Variants in SLIT3 observed in about 807,000 individuals in gnomAD.
The protein encoded by SLIT3 is slit guidance ligand 3, also known as slit homolog 3 protein.
SLIT3 carries 68 observed loss-of-function variants against 184.0 expected under a neutral mutation model. That is an observed-to-expected ratio of 0.37 (90% CI 0.30 to 0.45). The LOEUF (loss-of-function observed/expected upper bound fraction) is 0.45, where lower values mean the gene tolerates loss of function less well. SLIT3 is among the 20% of genes least tolerant of loss of function. The pLI, the probability that SLIT3 is intolerant of heterozygous loss-of-function variation, is 1.00. For synonymous variants in SLIT3, 831 were observed against 828.6 expected (o/e 1.00, Z -0.05); for missense variants, 1,707 against 2,026.0 (o/e 0.84, Z 3.02).
intron 4 of SLIT3, among the ~76,000 whole-genome samples, chr5:169,129,679 G>A (rs192385059): frequency 6.6e-6 from 1 of 152,296 alleles, no homozygotes; most frequent in East Asian, 1.9e-4. Context: ...AGAGACTGAG[G>A]AGACATAACA....
chr5:169,261,816 C>T (rs547809765), intron 1 of SLIT3, among the ~76,000 whole-genome samples: 17 of 152,188 alleles, frequency 1.1e-4, no homozygotes, highest in Non-Finnish European at 2.4e-4. Context: ...GGTCGGATGT[C>T]ACCTTTGTGA....
intron 1 of SLIT3, among the ~76,000 whole-genome samples, chr5:169,260,055 A>G (rs1460580491): frequency 6.6e-6 from 1 of 151,888 alleles, no homozygotes; most frequent in Admixed American, 6.6e-5. Context: ...AGCTATCTCA[A>G]TGGATTGTTC....
intron 5 of SLIT3, among the ~76,000 whole-genome samples, chr5:168,874,836 C>G (rs34054556): frequency 0.14 from 20,798 of 152,230 alleles, 1,701 homozygotes; most frequent in Non-Finnish European, 0.18. Flanking sequence ...TTATCGAGCA[C>G]TTATGCCATT....
At chr5:168,844,757 G>T (rs1758397639) in intron 5 of SLIT3, 102 bp from the exon 6 acceptor site, 4 of 1,004,216 alleles carry the variant, frequency 4.0e-6, no homozygotes, top group Non-Finnish European at 6.2e-6. Flanking sequence ...CCTTGCAGGC[G>T]CTGCTGGTCC....
At chr5:168,742,344 C>T (rs1198711490) in intron 20 of SLIT3, among the ~76,000 whole-genome samples, 2 of 151,136 alleles carry the variant, frequency 1.3e-5, no homozygotes, top group African/African-American at 4.9e-5. Flanking sequence ...AGGGAGCTGG[C>T]CTATGTAAAA....
At chr5:168,967,971 C>T (rs183729021) in intron 4 of SLIT3, among the ~76,000 whole-genome samples, 111 of 152,346 alleles carry the variant, frequency 7.3e-4, no homozygotes, top group Non-Finnish European at 1.5e-3. Flanking sequence ...AGATTCTCTT[C>T]CCAAGCTTTG....
intron 5 of SLIT3, among the ~76,000 whole-genome samples, chr5:168,866,976 C>A (rs889728065): frequency 1.3e-5 from 2 of 152,140 alleles, no homozygotes; most frequent in South Asian, 2.1e-4. Context: ...AGACTCGAAC[C>A]CAGATCTCTT....
At chr5:169,029,355 C>G (rs1047275044) in intron 4 of SLIT3, among the ~76,000 whole-genome samples, 1 of 152,160 alleles carries the variant, frequency 6.6e-6, no homozygotes, top group Non-Finnish European at 1.5e-5. Flanking sequence ...CAAAGGGTGG[C>G]CCTGGGCCAG....
intron 28 of SLIT3, among the ~76,000 whole-genome samples, chr5:168,694,288 T>C (rs550489237): frequency 1.4e-3 from 210 of 152,304 alleles, no homozygotes; most frequent in Middle Eastern, 3.4e-3. Flanking sequence ...CACTGCCCTC[T>C]CCATTTTCAC....
intron 14 of SLIT3, among the ~76,000 whole-genome samples, chr5:168,766,917 C>T (rs1755365074): frequency 6.6e-6 from 1 of 152,224 alleles, no homozygotes; most frequent in Non-Finnish European, 1.5e-5. Context: ...TTTCAAGTCC[C>T]TATCAAATCA....
intron 4 of SLIT3, among the ~76,000 whole-genome samples, chr5:169,192,854 C>A (rs138893786): frequency 6.6e-6 from 1 of 152,212 alleles, no homozygotes; most frequent in South Asian, 2.1e-4. Context: ...CCCTCACCTG[C>A]AACTCCAGCT....
chr5:168,888,786 C>G (rs184427341), intron 4 of SLIT3, among the ~76,000 whole-genome samples: 2 of 152,246 alleles, frequency 1.3e-5, no homozygotes, highest in East Asian at 3.9e-4. Flanking sequence ...TGTTTGGAAC[C>G]ATTATTGGAT....
intron 3 of SLIT3, among the ~76,000 whole-genome samples, chr5:169,229,655 T>TCTCTCTCTCTCTCTCTCC (rs1764929422): frequency 6.6e-6 from 1 of 151,298 alleles, no homozygotes; most frequent in Non-Finnish European, 1.5e-5. Context: ...TCTCTCTCTC[T>TCTCTCTCTCTCTCTCTCC]CTCTCTCTCT....
chr5:169,225,936 G>A (rs1367297418), intron 3 of SLIT3, among the ~76,000 whole-genome samples: 2 of 152,170 alleles, frequency 1.3e-5, no homozygotes, highest in Non-Finnish European at 2.9e-5. Context: ...CATTGTCTGT[G>A]GGGCCAGAGT....
chr5:168,863,814 T>A (rs1229240632), intron 5 of SLIT3, among the ~76,000 whole-genome samples: 4 of 152,178 alleles, frequency 2.6e-5, no homozygotes, highest in African/African-American at 7.2e-5. Context: ...GAGTATAGAA[T>A]GAAAAGCAAC....
chr5:168,995,835 A>G (rs1158921512), intron 4 of SLIT3, among the ~76,000 whole-genome samples: 14 of 152,218 alleles, frequency 9.2e-5, no homozygotes, highest in Admixed American at 9.2e-4. Flanking sequence ...TGGCAAGGCC[A>G]GCAGCCTTGG....
intron 4 of SLIT3, among the ~76,000 whole-genome samples, chr5:169,171,134 G>A (rs1390774593): frequency 6.6e-6 from 1 of 152,226 alleles, no homozygotes; most frequent in East Asian, 1.9e-4. Context: ...CTTCAGTGAG[G>A]AGAGATGGCT....
chr5:168,781,103 A>T (rs1451309586), intron 12 of SLIT3, among the ~76,000 whole-genome samples: 1 of 152,216 alleles, frequency 6.6e-6, no homozygotes, highest in African/African-American at 2.4e-5. Context: ...ATGCAAGAGT[A>T]ACCAGGCATG....
chr5:169,022,189 A>C (rs951290735), intron 4 of SLIT3: 3 of 152,260 alleles, frequency 2.0e-5, no homozygotes, highest in Admixed American at 1.3e-4. Context: ...CCTGAAAGAC[A>C]GCCTTCGAGA....
Sources: allele counts gnomAD v4.1 joint callset (sites outside exome capture counted in the v4.1 genomes callset), GRCh38; gene constraint gnomAD v4.1.1; transcripts MANE v1.5; gene names NCBI Gene and HGNC (gene_info 2026-07-23, HGNC 2026-07-21).